Variants in SLC17A1 observed in about 807,000 individuals in gnomAD.
SLC17A1 encodes sodium-dependent phosphate transport protein 1.
Under a neutral mutation model 53.5 loss-of-function variants are expected in SLC17A1, and 51 were observed. That is an observed-to-expected ratio of 0.95 (90% CI 0.76 to 1.20). The LOEUF (loss-of-function observed/expected upper bound fraction) is 1.20, where lower values mean the gene tolerates loss of function less well. Ranked by LOEUF, SLC17A1 falls within the 50% of genes most tolerant of loss-of-function variation. The pLI, the probability that SLC17A1 is intolerant of heterozygous loss-of-function variation, is 0.00. For missense variants in SLC17A1, 538 were observed against 568.2 expected (o/e 0.95, Z 0.54); for synonymous variants, 179 against 198.8 (o/e 0.90, Z 0.84).
the SLC17A1 span, chr6:25,761,884 T>C: frequency 8.3e-7 from 1 of 1,198,886 alleles, no homozygotes; most frequent in Non-Finnish European, 1.2e-6. Flanking sequence ...TAATATCATA[T>C]AAGATTCTCC....
the SLC17A1 span, chr6:25,770,397 C>G: frequency 1.9e-5 from 31 of 1,613,968 alleles, no homozygotes; most frequent in African/African-American, 3.1e-4. Flanking sequence ...ATGGTATTAA[C>G]TGGTCAGTAT....
chr6:25,824,520 T>C (rs1239139819), intron 3 of SLC17A1, among the ~76,000 whole-genome samples: 1 of 151,822 alleles, frequency 6.6e-6, no homozygotes, highest in African/African-American at 2.4e-5. Context: ...AACATATAGA[T>C]ACATAAAATG....
At chr6:25,801,359 G>A (rs559202538) in intron 10 of SLC17A1, among the ~76,000 whole-genome samples, 1 of 152,154 alleles carries the variant, frequency 6.6e-6, no homozygotes, top group African/African-American at 2.4e-5. Flanking sequence ...ACTCCCATAG[G>A]TCCAGAGCTA....
At chr6:25,780,288 A>G (rs924718100), downstream of SLC17A1, 1 of 152,246 alleles carries the variant, frequency 6.6e-6, no homozygotes, top group Non-Finnish European at 1.5e-5. Context: ...GAGGGCAGAT[A>G]ACTTTAATCA....
the SLC17A1 span, among the ~76,000 whole-genome samples, chr6:25,728,811 C>T: frequency 6.6e-6 from 1 of 152,192 alleles, no homozygotes; most frequent in African/African-American, 2.4e-5. Flanking sequence ...GAGACTCCGT[C>T]TCAAACACAA....
At chr6:25,827,504 T>G (rs542439648) in intron 2 of SLC17A1, among the ~76,000 whole-genome samples, 3 of 152,250 alleles carry the variant, frequency 2.0e-5, no homozygotes, top group South Asian at 4.1e-4. Flanking sequence ...AATCTAGTTT[T>G]ATGAAGTTCA....
At chr6:25,726,079 G>A in the SLC17A1 span, 6 of 1,465,744 alleles carry the variant, frequency 4.1e-6, no homozygotes, top group East Asian at 2.3e-5. Context: ...GCTCTGAAAA[G>A]AGCCTTTTGT....
At chr6:25,740,610 C>A in the SLC17A1 span, among the ~76,000 whole-genome samples, 98 of 152,236 alleles carry the variant, frequency 6.4e-4, no homozygotes, top group African/African-American at 2.3e-3. Flanking sequence ...GAGCTCCTTT[C>A]TCAGAAAAGT....
the SLC17A1 span, among the ~76,000 whole-genome samples, chr6:25,760,850 T>C: frequency 6.6e-6 from 1 of 152,200 alleles, no homozygotes; most frequent in African/African-American, 2.4e-5. Flanking sequence ...CTAGGGTCCA[T>C]ATTTTATTTC....
intron 10 of SLC17A1, among the ~76,000 whole-genome samples, chr6:25,804,899 A>G (rs1763902100): frequency 6.6e-6 from 1 of 152,076 alleles, no homozygotes; most frequent in South Asian, 2.1e-4. Flanking sequence ...TTACTACTAG[A>G]CCTAAGAAAT....
In SLC17A1 at chr6:25,822,593, G is replaced by A. The variant is rs117367762; in HGVS notation, c.208-2678C>T. 8.6e-3 allele frequency among the ~76,000 whole-genome samples: 1,307 copies of A among 152,070 alleles called. 25 individuals are homozygous for A. The highest frequency in any genetic ancestry group is 0.064 in the East Asian group (329 of 5,168). ...ATGGCAAAAGGTTTCATGGGGTGGC[G>A]GGCTGATGCATGTGCTAGAGAAATC... is the stretch of plus-strand genomic sequence containing the variant. On this transcript the variant is annotated intron_variant, in intron 3 of 12. Transcript: ENST00000244527.
chr6:25,756,245 C>T, the SLC17A1 span, among the ~76,000 whole-genome samples: 3 of 152,104 alleles, frequency 2.0e-5, no homozygotes, highest in Admixed American at 1.3e-4. Flanking sequence ...CACTCTGCAT[C>T]GCCATGTTGG....
chr6:25,822,500 A>G (rs1764597693), intron 3 of SLC17A1, among the ~76,000 whole-genome samples: 1 of 152,176 alleles, frequency 6.6e-6, no homozygotes. Flanking sequence ...TATGTATTCT[A>G]TTTCTTCATT....
At chr6:25,746,645 AAGTT>A in the SLC17A1 span, among the ~76,000 whole-genome samples, 1 of 152,224 alleles carries the variant, frequency 6.6e-6, no homozygotes, top group African/African-American at 2.4e-5. Context: ...AATATTAGAC[AAGTT>A]ATTAAGCATA....
At chr6:25,791,501 TC>T (rs1406556638) in intron 12 of SLC17A1, among the ~76,000 whole-genome samples, 1 of 152,178 alleles carries the variant, frequency 6.6e-6, no homozygotes, top group African/African-American at 2.4e-5. Flanking sequence ...GTATTTTAAG[TC>T]AGAGAGGAAA....
the SLC17A1 span, among the ~76,000 whole-genome samples, chr6:25,743,019 A>G: frequency 2.6e-5 from 4 of 152,310 alleles, no homozygotes; most frequent in South Asian, 8.3e-4. Flanking sequence ...AAGTCTATCC[A>G]CAGGGGAAAT....
At chr6:25,726,074 G>C in the SLC17A1 span, 4 of 1,453,288 alleles carry the variant, frequency 2.8e-6, no homozygotes, top group East Asian at 2.3e-5. Flanking sequence ...AGGTGGCTCT[G>C]AAAAGAGCCT....
At chr6:25,827,404 T>C (rs970435896) in intron 2 of SLC17A1, among the ~76,000 whole-genome samples, 2 of 152,144 alleles carry the variant, frequency 1.3e-5, no homozygotes, top group African/African-American at 4.8e-5. Flanking sequence ...AAGAACTACT[T>C]ATACACAACA....
At chr6:25,773,675 G>A in the SLC17A1 span, 1 of 1,612,774 alleles carries the variant, frequency 6.2e-7, no homozygotes, top group South Asian at 1.1e-5. Context: ...CCTCAGAGAT[G>A]TAAGTACAGA....
Sources: allele counts gnomAD v4.1 joint callset (sites outside exome capture counted in the v4.1 genomes callset), GRCh38; gene constraint gnomAD v4.1.1; transcripts MANE v1.5; gene names NCBI Gene and HGNC (gene_info 2026-07-23, HGNC 2026-07-21).